Variants in KCNH5 observed in about 807,000 individuals in gnomAD.
KCNH5 encodes potassium voltage-gated channel subfamily H member 5, also known as voltage-gated delayed rectifier potassium channel KCNH5.
Under a neutral mutation model 96.1 loss-of-function variants are expected in KCNH5, and 46 were observed. The observed-to-expected ratio is 0.48, with a 90% CI of 0.38 to 0.61. The LOEUF (loss-of-function observed/expected upper bound fraction) is 0.61. KCNH5 is among the 20% of genes least tolerant of loss of function. The pLI is 0.00. For missense variants in KCNH5, 907 were observed against 1,225.8 expected, an observed-to-expected ratio of 0.74 and a Z score of 3.88; for synonymous variants, 439 against 449.8, an observed-to-expected ratio of 0.98 and a Z score of 0.30.
At chr14:62,879,027 G>A (rs910919645) in intron 7 of KCNH5, among the ~76,000 whole-genome samples, 4 of 152,160 alleles carry the variant, frequency 2.6e-5, no homozygotes, top group East Asian at 1.9e-4. Flanking sequence ...TTGAGGTACT[G>A]GGAACTTCAA....
At chr14:62,739,462 G>C (rs1293471828) in intron 10 of KCNH5, among the ~76,000 whole-genome samples, 2 of 151,706 alleles carry the variant, frequency 1.3e-5, no homozygotes, top group Non-Finnish European at 2.9e-5. Context: ...TTCTTTTTTT[G>C]TGTGTTAGAG....
chr14:62,766,226 G>T (rs1295616130), intron 10 of KCNH5, among the ~76,000 whole-genome samples: 5 of 152,144 alleles, frequency 3.3e-5, no homozygotes, highest in African/African-American at 1.2e-4. Context: ...CACTGTGGGT[G>T]AGAATGTAAA....
chr14:62,867,077 C>T (rs1434901157), intron 7 of KCNH5, among the ~76,000 whole-genome samples: 1 of 152,152 alleles, frequency 6.6e-6, no homozygotes, highest in Non-Finnish European at 1.5e-5. Context: ...CCACCCGCAA[C>T]TTATTCATCT....
chr14:62,911,963 G>T (rs902588448), intron 7 of KCNH5, among the ~76,000 whole-genome samples: 4 of 150,612 alleles, frequency 2.7e-5, no homozygotes. Flanking sequence ...GCTTGAAACC[G>T]GGAGGCGGAT....
intron 7 of KCNH5, among the ~76,000 whole-genome samples, chr14:62,884,115 T>C (rs1013182987): frequency 6.6e-6 from 1 of 152,176 alleles, no homozygotes; most frequent in Non-Finnish European, 1.5e-5. Flanking sequence ...TCAAGCTCTG[T>C]GTTAGAATTT....
chr14:62,823,624 A>G (rs771767696), intron 8 of KCNH5, among the ~76,000 whole-genome samples: 1 of 152,038 alleles, frequency 6.6e-6, no homozygotes, highest in Non-Finnish European at 1.5e-5. Context: ...AGAAATTCCT[A>G]TTGGTCATTA....
At chr14:62,894,325 GGAGAGATC>G (rs759068360) in intron 7 of KCNH5, among the ~76,000 whole-genome samples, 88 of 152,238 alleles carry the variant, frequency 5.8e-4, no homozygotes, top group Non-Finnish European at 1.0e-3. Context: ...GTATTAAAGA[GGAGAGATC>G]TATACTCCTA....
At chr14:63,022,782 G>T (rs1259022471) in intron 1 of KCNH5, among the ~76,000 whole-genome samples, 1 of 152,060 alleles carries the variant, frequency 6.6e-6, no homozygotes, top group East Asian at 1.9e-4. Context: ...CAATTGACAT[G>T]ACCTCAGGGA....
chr14:62,922,437 C>A (rs1889397381), intron 7 of KCNH5, among the ~76,000 whole-genome samples: 1 of 151,958 alleles, frequency 6.6e-6, no homozygotes, highest in South Asian at 2.1e-4. Flanking sequence ...CCTATAAATT[C>A]TTTGTTCTCA....
intron 1 of KCNH5, among the ~76,000 whole-genome samples, chr14:63,034,169 C>A (rs1400245269): frequency 6.6e-6 from 1 of 152,114 alleles, no homozygotes; most frequent in Non-Finnish European, 1.5e-5. Context: ...CCGCCTGCCT[C>A]GGCCTTCCAA....
At chr14:62,938,214 T>C (rs4146435) in intron 7 of KCNH5, among the ~76,000 whole-genome samples, 25,348 of 151,984 alleles carry the variant, frequency 0.17, 2,392 homozygotes, top group East Asian at 0.37. Flanking sequence ...CTAAAAAGGG[T>C]AGCTACAGAG....
intron 6 of KCNH5, among the ~76,000 whole-genome samples, chr14:62,979,356 T>C (rs991397498): frequency 5.3e-5 from 8 of 152,038 alleles, no homozygotes; most frequent in Non-Finnish European, 1.0e-4. Context: ...ATTATTATGA[T>C]TTTTTTCTCA....
intron 10 of KCNH5, among the ~76,000 whole-genome samples, chr14:62,777,187 CAG>C (rs1229094565): frequency 6.6e-6 from 1 of 152,194 alleles, no homozygotes; most frequent in East Asian, 1.9e-4. Context: ...AAATTGTTGA[CAG>C]TGTTTCTGTG....
intron 10 of KCNH5, among the ~76,000 whole-genome samples, chr14:62,751,041 A>G (rs1178714379): frequency 2.0e-5 from 3 of 152,088 alleles, no homozygotes; most frequent in African/African-American, 7.2e-5. Flanking sequence ...GTTTAGGCAA[A>G]TAGGTAGCTG....
intron 7 of KCNH5, among the ~76,000 whole-genome samples, chr14:62,903,903 T>C (rs1566702080): frequency 6.6e-6 from 1 of 151,818 alleles, no homozygotes; most frequent in South Asian, 2.1e-4. Context: ...ATATTATAAA[T>C]CATATTTTTT....
chr14:62,707,567 T>C lies in KCNH5; in HGVS notation c.2908A>G (p.Ile970Val). The C allele has an allele frequency of 6.6e-7, 1 of 1,507,466 alleles. No homozygotes were observed. Among genetic ancestry groups the C allele is most frequent in the South Asian group, 1.4e-5 (1 of 71,056 alleles). 93.4% of individuals were successfully genotyped at this position (1,507,466 alleles called of 1,614,324 possible). ...GATTCAGGCCTTGAGACACTAAAAATATCCTGACATGGTATCTGGGGGGGT... is the reference window on the plus strand; with the variant it reads ...GATTCAGGCCTTGAGACACTAAAAACATCCTGACATGGTATCTGGGGGGGT... ...QVPPQIPCQDIFSVSRPESPE... is the reference protein window; with the variant it reads ...QVPPQIPCQDVFSVSRPESPE... The change falls in exon 11 of 11, where the codon ATT becomes GTT. Residue 970 changes from isoleucine (I) to valine (V), a missense_variant. Coordinates refer to ENST00000322893, the MANE Select transcript of KCNH5 (RefSeq NM_139318.5).
At chr14:63,031,475 A>G (rs1891625291) in intron 1 of KCNH5, among the ~76,000 whole-genome samples, 1 of 151,968 alleles carries the variant, frequency 6.6e-6, no homozygotes, top group Non-Finnish European at 1.5e-5. Flanking sequence ...ATTCCAGGAG[A>G]AAAAAAATGA....
chr14:63,024,473 T>C (rs1891489955), intron 1 of KCNH5, among the ~76,000 whole-genome samples: 1 of 151,802 alleles, frequency 6.6e-6, no homozygotes. Flanking sequence ...GAAAAACAAC[T>C]TTAAAAGGTC....
At chr14:62,775,346 G>C (rs1432426006) in intron 10 of KCNH5, among the ~76,000 whole-genome samples, 1 of 152,130 alleles carries the variant, frequency 6.6e-6, no homozygotes, top group African/African-American at 2.4e-5. Flanking sequence ...TGAACCAATA[G>C]CAAGCAAACT....
Sources: gnomAD v4.1 joint callset for allele counts (sites outside exome capture counted in the v4.1 genomes callset) on GRCh38, gnomAD v4.1.1 for gene constraint, MANE v1.5 for transcripts, NCBI Gene and HGNC (gene_info 2026-07-23, HGNC 2026-07-21) for gene names.